Variants in MRPS15 observed in about 807,000 individuals in gnomAD.
MRPS15 encodes the protein mitochondrial ribosomal protein S15.
MRPS15 carries 25 observed loss-of-function variants against 30.7 expected under a neutral mutation model. That is an observed-to-expected ratio of 0.81 (90% confidence interval 0.59 to 1.14). The LOEUF is 1.14. Ranked by LOEUF, MRPS15 falls within the 50% of genes most tolerant of loss-of-function variation. The pLI is 0.00. For missense variants in MRPS15, 313 were observed against 321.7 expected (o/e 0.97, Z 0.21); for synonymous variants, 124 against 120.1 (o/e 1.03, Z -0.21).
At chr1:36,457,072 T>C (rs886160151) in intron 6 of MRPS15, among the ~76,000 whole-genome samples, 8 of 152,184 alleles carry the variant, frequency 5.3e-5, no homozygotes, top group African/African-American at 1.9e-4. Flanking sequence ...GTCAGGAGAT[T>C]GGGATCATCC....
chr1:36,458,100 TAA>T lies in MRPS15; in HGVS notation c.386-121_386-120del. 1 of 789,968 alleles carries T rather than the reference TAA, an allele frequency of 1.3e-6. No individual in the cohort carries two copies. Among genetic ancestry groups the T allele is most frequent in the Non-Finnish European group, 2.1e-6 (1 of 468,486 alleles). The allele number at this position is 789,968 out of a possible 1,614,324, so 48.9% of individuals were successfully genotyped here. On this transcript the variant is annotated intron_variant, in intron 5 of 7. Transcript: ENST00000373116. This position sits in a 1 kb window ranked among gnomAD's most constrained non-coding sequence, Gnocchi z 4.5. ...CACCAATGCTCTGTACAGCTCTCTA[TAA>T]ATCCCAAATCACTCTGAATTTCAAG...
rs762447402 is a variant in MRPS15, at chr1:36,461,285, CAA to C, written c.277_278del (p.Leu93ValfsTer47). The C allele has an allele frequency of 6.2e-7, 1 of 1,614,200 alleles. No individual in the cohort carries two copies. The highest frequency in any genetic ancestry group is 8.5e-7 in the Non-Finnish European group (1 of 1,180,040). On this transcript the variant is annotated frameshift_variant, in exon 4 of 8. Transcript: ENST00000373116. LOFTEE classifies it high-confidence loss of function. Reference sequence around the variant, plus strand: ...TCACCTTGTTGGCCATTTCCAAAGACAAGAGTCTTTTCACGACATCATCAACC... The same window carrying C: ...TCACCTTGTTGGCCATTTCCAAAGACGAGTCTTTTCACGACATCATCAACC... ...EKVDDVVKRL[L>X]SLEMANKKEM... is the part of the protein sequence containing the mutation.
chr1:36,456,914 T>C (rs1162158474), intron 6 of MRPS15, among the ~76,000 whole-genome samples: 2 of 152,206 alleles, frequency 1.3e-5, no homozygotes, highest in Non-Finnish European at 2.9e-5. Flanking sequence ...CATTTGTTTA[T>C]TAAAAATAAC....
intron 4 of MRPS15, 58 bp from the exon 5 acceptor site, chr1:36,460,834 C>A: frequency 7.0e-7 from 1 of 1,423,876 alleles, no homozygotes; most frequent in African/African-American, 1.4e-5. Context: ...AAGAACTAGC[C>A]CTCCTCCCCC....
At chr1:36,456,015 A>T (rs1649986641) in intron 7 of MRPS15, 90 bp from the exon 8 acceptor site, 2 of 1,537,824 alleles carry the variant, frequency 1.3e-6, no homozygotes, top group African/African-American at 2.8e-5. Context: ...TTTCCCCCAG[A>T]TGGTAACCCC....
chr1:36,459,789 A>G (rs1404117629), intron 5 of MRPS15: 1 of 152,314 alleles, frequency 6.6e-6, no homozygotes, highest in East Asian at 1.9e-4. Context: ...ATGGCAAAGG[A>G]GAGAAAGTGT....
intron 2 of MRPS15, 26 bp downstream of exon 2, chr1:36,463,780 C>T (rs373173704): frequency 1.2e-6 from 2 of 1,606,060 alleles, no homozygotes; most frequent in African/African-American, 1.3e-5. Flanking sequence ...CTCTTCCGCC[C>T]CAAGTCCCAC....
chr1:36,464,319 C>T lies in MRPS15; in HGVS notation c.-44G>A. The T allele has an allele frequency of 6.3e-7, 1 of 1,589,624 alleles. No individual in the cohort carries two copies. Among genetic ancestry groups the T allele is most frequent in the Non-Finnish European group, 8.6e-7 (1 of 1,167,250 alleles). On this transcript the variant is annotated 5_prime_UTR_variant, in exon 1 of 8. Coordinates refer to ENST00000373116, the MANE Select transcript of MRPS15 (RefSeq NM_031280.4). Reference sequence around the variant, plus strand: ...CGGGGCCCGCGCCGCGGCCGCCGTTCGCTTTGCGGCACGGACCGGGTTACA... The same window carrying T: ...CGGGGCCCGCGCCGCGGCCGCCGTTTGCTTTGCGGCACGGACCGGGTTACA...
At chr1:36,462,436 C>G (rs989682071) in intron 2 of MRPS15, among the ~76,000 whole-genome samples, 4 of 152,202 alleles carry the variant, frequency 2.6e-5, no homozygotes, top group Non-Finnish European at 5.9e-5. Flanking sequence ...TCTCAGATCC[C>G]CCACTAGGAT....
Position 36,458,028 on chromosome 1 carries a change from A to T in MRPS15, c.386-47T>A. ...GATGAGAGTTGGGCACAGAGGAAGG[A>T]AGGGCCCAGGCCTGGTTTACGTTTT... is the stretch of plus-strand genomic sequence containing the variant. On this transcript the variant is annotated intron_variant, in intron 5 of 7. Coordinates refer to ENST00000373116, the MANE Select transcript of MRPS15 (RefSeq NM_031280.4). This position sits in a 1 kb window ranked among gnomAD's most constrained non-coding sequence, Gnocchi z 4.5. The T allele has an allele frequency of 6.5e-7, 1 of 1,540,350 alleles. No homozygotes were observed. The highest frequency in any genetic ancestry group is 9.0e-7 in the Non-Finnish European group (1 of 1,112,776).
chr1:36,456,759 A>G (rs1376334799), intron 6 of MRPS15, among the ~76,000 whole-genome samples: 2 of 152,294 alleles, frequency 1.3e-5, no homozygotes, highest in South Asian at 4.1e-4. Context: ...ATGCCTACCC[A>G]CAGCTGGCTG....
At chr1:36,457,732 CT>C (rs1474423435) in intron 6 of MRPS15, among the ~76,000 whole-genome samples, 190 bp downstream of exon 6, 1 of 152,208 alleles carries the variant, frequency 6.6e-6, no homozygotes, top group African/African-American at 2.4e-5. Flanking sequence ...AGTGATCATG[CT>C]CTCAAGTTTG....
chr1:36,464,233 G>A lies in MRPS15; in HGVS notation c.43C>T (p.Arg15Trp). Residue 15 changes from arginine (R) to tryptophan (W), a missense_variant, in exon 1 of 8, where the codon CGG becomes TGG. Arg to Trp is a moderately radical substitution (Grantham distance 101). Coordinates refer to ENST00000373116, the MANE Select transcript of MRPS15 (RefSeq NM_031280.4). ...AWRTLSLIRT[R>W]AVTQVLVPGL... ...GGTACTAGGACCTGGGTAACTGCCC[G>A]GGTCCGAATCAAACTCAGCGTCCTC... 7 of 1,614,044 alleles carry A rather than the reference G, an allele frequency of 4.3e-6. No homozygotes were observed. The highest frequency in any genetic ancestry group is 5.9e-6 in the Non-Finnish European group (7 of 1,179,974).
chr1:36,457,103 T>C (rs1453876245), intron 6 of MRPS15, among the ~76,000 whole-genome samples: 1 of 151,982 alleles, frequency 6.6e-6, no homozygotes, highest in Non-Finnish European at 1.5e-5. Flanking sequence ...GGTGAAACCC[T>C]GTCTCTACTA....
At chr1:36,456,008 C>A in intron 7 of MRPS15, 83 bp from the exon 8 acceptor site, 1 of 1,547,964 alleles carries the variant, frequency 6.5e-7, no homozygotes, top group Non-Finnish European at 8.7e-7. Context: ...GGAACTATTT[C>A]CCCCAGATGG....
At chr1:36,464,101 A>G (rs1292072085) in intron 1 of MRPS15, 45 bp downstream of exon 1, 4 of 1,449,048 alleles carry the variant, frequency 2.8e-6, no homozygotes, top group Non-Finnish European at 3.7e-6. Context: ...ATCTTCGCCG[A>G]ACCCTGTTTC....
chr1:36,456,276 A>G lies in MRPS15; in HGVS notation c.547T>C (p.Trp183Arg). 6.2e-7 allele frequency: 1 copy of G among 1,614,230 alleles called. No homozygotes were observed. The highest frequency in any genetic ancestry group is 1.1e-5 in the South Asian group (1 of 91,086). ...TNYDVFEKIC[W>R]GLGIEYTFPP... ...AAGGTGTACTCAATTCCCAGCCCCC[A>G]GCATATCTTCTCAAAGACATCATAG... The change falls in exon 7 of 8, where the codon TGG becomes CGG. Residue 183 changes from tryptophan (W) to arginine (R), a missense_variant. Transcript: ENST00000373116.
At chr1:36,459,191 C>G (rs139789361) in intron 5 of MRPS15, 1 of 152,074 alleles carries the variant, frequency 6.6e-6, no homozygotes, top group South Asian at 2.1e-4. Flanking sequence ...CTCAGGAGTT[C>G]GAGATCAGCC....
chr1:36,463,812 T>G lies in MRPS15; in HGVS notation c.169A>C (p.Lys57Gln). 1 of 1,612,694 alleles carries G rather than the reference T, an allele frequency of 6.2e-7. No individual in the cohort carries two copies. The highest frequency in any genetic ancestry group is 2.2e-5 in the East Asian group (1 of 44,842). ...CCACCTTAGGAACTCCTACCTGGTT[T>G]CCGGACGACATATCCGCGCGCGGCC... ...LQAARGYVVR[K>Q]PAQSRLDDDP... The change falls in exon 2 of 8, where the codon AAA becomes CAA. Residue 57 changes from lysine (K) to glutamine (Q), a missense_variant. Coordinates refer to ENST00000373116, the MANE Select transcript of MRPS15 (RefSeq NM_031280.4).
Sources: allele counts gnomAD v4.1 joint callset (sites outside exome capture counted in the v4.1 genomes callset), GRCh38; gene constraint gnomAD v4.1.1; non-coding constraint Gnocchi (gnomAD v3.1); transcripts MANE v1.5; gene names NCBI Gene and HGNC (gene_info 2026-07-23, HGNC 2026-07-21).